The following RBM25 variants were observed in gnomAD, a reference collection of about 807,000 sequenced individuals.
RBM25 encodes RNA-binding protein 25.
RBM25 carries 19 observed loss-of-function variants against 120.7 expected under a neutral mutation model. The ratio of observed to expected loss-of-function variants is 0.16; its 90% CI spans 0.11 to 0.23. The LOEUF (loss-of-function observed/expected upper bound fraction) is 0.23, where lower values mean the gene tolerates loss of function less well. RBM25 is among the 10% of genes least tolerant of loss of function. RBM25 has a pLI of 1.00. For synonymous variants in RBM25, 390 were observed against 326.7 expected, an observed-to-expected ratio of 1.19 and a Z score of -2.09; for missense variants, 605 against 1,041.5, an observed-to-expected ratio of 0.58 and a Z score of 5.77.
chr14:73,106,351 C>A, intron 12 of RBM25, 66 bp downstream of exon 12: 1 of 1,190,392 alleles, frequency 8.4e-7, no homozygotes, highest in Non-Finnish European at 1.2e-6. Context: ...TTACTGCTAA[C>A]TACAAGTAAC....
intron 5 of RBM25, 24 bp downstream of exon 5, chr14:73,083,575 G>A (rs1327994353): frequency 3.2e-6 from 5 of 1,541,734 alleles, no homozygotes; most frequent in Non-Finnish European, 3.5e-6. Context: ...TTCCTTATTT[G>A]CTGAAATCAC....
chr14:73,099,264 C>A, intron 7 of RBM25, 116 bp from the exon 8 acceptor site: 1 of 869,436 alleles, frequency 1.2e-6, no homozygotes, highest in South Asian at 1.8e-5. Flanking sequence ...ATCAAGAAAG[C>A]ATCACAGAAG....
chr14:73,113,555 G>T (rs1209710307), intron 17 of RBM25, among the ~76,000 whole-genome samples: 1 of 151,892 alleles, frequency 6.6e-6, no homozygotes, highest in Non-Finnish European at 1.5e-5. Context: ...GGTGCGCTGG[G>T]TGGCAGGCAC....
Position 73,076,324 on chromosome 14 carries a change from C to A in RBM25, c.112C>A (p.Pro38Thr). ...GFPPPVPPGT[P>T]MIPVPMSIMA... Reference sequence around the variant, plus strand: ...TGTGGTTTTTCTTTTCTTAGGGACCCCAATGATTCCTGTACCAATGAGCAT... The same window carrying A: ...TGTGGTTTTTCTTTTCTTAGGGACCACAATGATTCCTGTACCAATGAGCAT... Residue 38 changes from proline (P) to threonine (T), a missense_variant, in exon 3 of 19, where the codon CCA (proline) becomes ACA (threonine). Pro to Thr is a conservative substitution (Grantham distance 38). This residue lies in a region of RBM25 where 90 missense variants were observed against 107.3 expected (regional missense o/e 0.84). Transcript: ENST00000261973. The A allele has an allele frequency of 6.2e-7, 1 of 1,611,908 alleles. No homozygotes were observed. The highest frequency in any genetic ancestry group is 1.1e-5 in the South Asian group (1 of 90,988).
In RBM25 at chr14:73,089,063, C is replaced by A. The variant is rs144573232; in HGVS notation, c.543+902C>A. On this transcript the variant is annotated intron_variant, in intron 6 of 18. Coordinates refer to ENST00000261973, the MANE Select transcript of RBM25 (RefSeq NM_021239.3). ...GGCTGAGGCAGGAGAATCGCTTGAA[C>A]TGCAGAGGCGGAGGTTGCAGTGAGC... Among the ~76,000 whole-genome samples, 141 of 152,264 alleles carry A rather than the reference C, an allele frequency of 9.3e-4. 1 individual carries two copies. Among genetic ancestry groups the A allele is most frequent in the African/African-American group, 1.1e-3 (44 of 41,538 alleles).
At chr14:73,099,939 C>G in intron 9 of RBM25, 189 bp downstream of exon 9, 1 of 917,620 alleles carries the variant, frequency 1.1e-6, no homozygotes. Context: ...ACATGTTGTG[C>G]TTAGTTTTTT....
Position 73,099,741 on chromosome 14 carries a change from C to T in RBM25, c.858C>T (p.Asp286=). 6.2e-7 allele frequency: 1 copy of T among 1,609,550 alleles called. No individual in the cohort carries two copies. Among genetic ancestry groups the T allele is most frequent in the Non-Finnish European group, 8.5e-7 (1 of 1,178,914 alleles). The change falls in exon 9 of 19, where the codon GAC becomes GAT. Residue 286 remains aspartate, a synonymous_variant. Transcript: ENST00000261973. ...LISREISKFR[D]THKKLEEEKG... is the part of the protein sequence containing the mutation. ...CTCGAGAGATCAGCAAATTCAGAGA[C>T]ACACATAAGGTAGTATTCTTGTCTT...
intron 9 of RBM25, chr14:73,100,427 G>A: frequency 3.5e-6 from 2 of 579,244 alleles, no homozygotes; most frequent in South Asian, 2.1e-5. Flanking sequence ...ATGCAAAGGG[G>A]TAACTGGCTT....
intron 1 of RBM25, among the ~76,000 whole-genome samples, chr14:73,059,008 GC>G (rs974645890): frequency 2.0e-5 from 3 of 151,746 alleles, no homozygotes; most frequent in Non-Finnish European, 4.4e-5. Context: ...AATCGTCTCT[GC>G]CCCCCCTGGG....
intron 5 of RBM25, among the ~76,000 whole-genome samples, chr14:73,085,277 A>G (rs1236296500): frequency 6.6e-6 from 1 of 151,910 alleles, no homozygotes; most frequent in Non-Finnish European, 1.5e-5. Flanking sequence ...TTGGCCTCCC[A>G]AAGTGCTGGG....
intron 10 of RBM25, 112 bp downstream of exon 10, chr14:73,103,590 C>T: frequency 1.4e-6 from 2 of 1,414,962 alleles, no homozygotes; most frequent in Non-Finnish European, 1.9e-6. Flanking sequence ...GTGTGTGAGA[C>T]ATTCTCACTC....
chr14:73,067,403 C>CATT (rs1420930885), intron 1 of RBM25, among the ~76,000 whole-genome samples: 1 of 151,834 alleles, frequency 6.6e-6, no homozygotes, highest in Non-Finnish European at 1.5e-5. Context: ...TAATTTACTG[C>CATT]ATTATTATTA....
intron 1 of RBM25, among the ~76,000 whole-genome samples, chr14:73,067,384 G>A (rs1358541674): frequency 2.0e-5 from 3 of 151,960 alleles, no homozygotes; most frequent in Admixed American, 6.6e-5. Flanking sequence ...AAATATGTCC[G>A]TATTATAATA....
chr14:73,085,589 C>T (rs1470967782), intron 5 of RBM25, among the ~76,000 whole-genome samples: 3 of 151,990 alleles, frequency 2.0e-5, no homozygotes, highest in African/African-American at 7.2e-5. Context: ...GGATTACAGG[C>T]GCCCACCACC....
chr14:73,070,904 A>T (rs569426423), intron 1 of RBM25, among the ~76,000 whole-genome samples: 119 of 144,920 alleles, frequency 8.2e-4, no homozygotes, highest in Admixed American at 1.4e-3. Context: ...CCAAGATTGC[A>T]CCACTGCACT....
chr14:73,087,340 C>A (rs1895709807), intron 5 of RBM25, among the ~76,000 whole-genome samples: 1 of 147,312 alleles, frequency 6.8e-6, no homozygotes, highest in Admixed American at 6.8e-5. Context: ...TCTGTTCTTT[C>A]TTGTGGCTGT....
rs935260192 is a variant in RBM25 at position 73,123,641 on chromosome 14, A to G, written c.*3836A>G. On this transcript the variant is annotated 3_prime_UTR_variant, in exon 19 of 19. Transcript: ENST00000261973. Reference sequence around the variant, plus strand: ...GCTACTAATATAACAATCATACTATAGAGCGAAGTGAACTTACACTTTTTG... The same window carrying G: ...GCTACTAATATAACAATCATACTATGGAGCGAAGTGAACTTACACTTTTTG... 5 of 152,240 alleles carry G rather than the reference A, an allele frequency of 3.3e-5. No individual in the cohort carries two copies. The highest frequency in any genetic ancestry group is 2.6e-4 in the Admixed American group (4 of 15,286). The allele number at this position is 152,240 out of a possible 1,614,324, so 9.4% of individuals were successfully genotyped here. A position where few individuals can be genotyped will look rare whatever the true frequency, so the allele number is the denominator to read the frequency against.
intron 18 of RBM25, among the ~76,000 whole-genome samples, chr14:73,115,153 CGT>C (rs33924709): frequency 0.16 from 23,438 of 146,530 alleles, 1,889 homozygotes; most frequent in South Asian, 0.23. Context: ...GGAACTGATA[CGT>C]GTGTGTGTGT....
rs768432654 is a variant in RBM25 at position 73,097,001 on chromosome 14, T to A, written c.630T>A (p.Ala210=). The A allele has an allele frequency of 6.2e-7, 1 of 1,613,724 alleles. No individual in the cohort carries two copies. The highest frequency in any genetic ancestry group is 8.5e-7 in the Non-Finnish European group (1 of 1,179,854). ...TKRRDQMIKG[A]IEVLIREYSS... Reference sequence around the variant, plus strand: ...GGAGAGATCAGATGATTAAAGGGGCTATTGAAGTTTTAATTCGTGAATACT... The same window carrying A: ...GGAGAGATCAGATGATTAAAGGGGCAATTGAAGTTTTAATTCGTGAATACT... The change falls in exon 7 of 19, where the codon GCT becomes GCA. Residue 210 remains alanine (A), a synonymous_variant. Transcript: ENST00000261973.
Sources: gnomAD v4.1 joint callset for allele counts (sites outside exome capture counted in the v4.1 genomes callset) on GRCh38, gnomAD v4.1.1 for gene constraint, gnomAD v4.1.1 regional missense constraint, MANE v1.5 for transcripts, NCBI Gene and HGNC (gene_info 2026-07-23, HGNC 2026-07-21) for gene names.